B3GALT4: variants seen among roughly 807,000 people sequenced by gnomAD.
The protein encoded by B3GALT4 is beta-1,3-galactosyltransferase 4.
A neutral mutation model predicts 1.6 loss-of-function variants in B3GALT4; 1 was observed. That is an observed-to-expected ratio of 0.64 (90% CI 0.23 to 3.05). The LOEUF is 3.05. Ranked by LOEUF, B3GALT4 falls within the 30% of genes most tolerant of loss-of-function variation. B3GALT4 has a pLI of 0.21. For missense variants in B3GALT4, 441 were observed against 486.9 expected (o/e 0.91, Z 0.89); for synonymous variants, 259 against 222.6 (o/e 1.16, Z -1.46).
rs1562604817 is a variant in B3GALT4 at position 33,277,947 on chromosome 6, T to C, written c.528T>C (p.Asp176=). The C allele has an allele frequency of 1.2e-6, 2 of 1,613,898 alleles. No homozygotes were observed. The highest frequency in any genetic ancestry group is 8.5e-7 in the Non-Finnish European group (1 of 1,180,018). The change falls in exon 1 of 1, where the codon GAT becomes GAC. Residue 176 remains aspartate (D), a synonymous_variant. Transcript: ENST00000451237. The surrounding 1 kb of genome is among the most constrained non-coding windows in gnomAD (Gnocchi z 5.3). ...PMARYVLKTD[D]DVYVNVPELV... ...CCCGATACGTCCTCAAGACGGACGA[T>C]GATGTGTATGTCAACGTCCCTGAAC... is the stretch of plus-strand genomic sequence containing the variant.
In B3GALT4 at chr6:33,277,511, A is replaced by C; in HGVS notation, c.92A>C (p.Glu31Ala). ...TLFGPSGLGE[E>A]LLSLSLASLL... ...TTCGGGCCTTCGGGGTTGGGGGAGGAGCTGCTGAGCCTCTCACTAGCCTCC... is the reference window on the plus strand; with the variant it reads ...TTCGGGCCTTCGGGGTTGGGGGAGGCGCTGCTGAGCCTCTCACTAGCCTCC... Residue 31 changes from glutamate (E) to alanine (A), a missense_variant, in exon 1 of 1, where the codon GAG (glutamate) becomes GCG (alanine). Transcript: ENST00000451237. This position sits in a 1 kb window ranked among gnomAD's most constrained non-coding sequence, Gnocchi z 5.3. The C allele has an allele frequency of 6.2e-7, 1 of 1,612,288 alleles. No homozygotes were observed. Among genetic ancestry groups the C allele is most frequent in the Non-Finnish European group, 8.5e-7 (1 of 1,179,850 alleles).
chr6:33,277,186 C>G lies in B3GALT4; in HGVS notation c.-234C>G. ...GTGCCGCAGTCGGCCAGCCATGGAG[C>G]GGAGCTTGCTGGCGGCGAGGCCGCG... On this transcript the variant is annotated 5_prime_UTR_variant, in exon 1 of 1. Coordinates refer to ENST00000451237, the MANE Select transcript of B3GALT4 (RefSeq NM_003782.4). This position sits in a 1 kb window ranked among gnomAD's most constrained non-coding sequence, Gnocchi z 5.3. 1 of 592,266 alleles carries G rather than the reference C, an allele frequency of 1.7e-6. No individual in the cohort carries two copies. Among genetic ancestry groups the G allele is most frequent in the Non-Finnish European group, 2.7e-6 (1 of 371,226 alleles). The allele number at this position is 592,266 out of a possible 1,614,324, so 36.7% of individuals were successfully genotyped here.
At position 33,278,644 on chromosome 6, in the gene B3GALT4, G is replaced by T; in HGVS notation, c.*88G>T. On this transcript the variant is annotated 3_prime_UTR_variant, in exon 1 of 1. Coordinates refer to ENST00000451237, the MANE Select transcript of B3GALT4 (RefSeq NM_003782.4). The surrounding 1 kb of genome is among the most constrained non-coding windows in gnomAD (Gnocchi z 5.2). Reference sequence around the variant, plus strand: ...GGCCCTCACTGGCTGCAGCTGATCTGTTTCCTTATACCAGATCCTCAGTCT... The same window carrying T: ...GGCCCTCACTGGCTGCAGCTGATCTTTTTCCTTATACCAGATCCTCAGTCT... 6.7e-7 allele frequency: 1 copy of T among 1,486,166 alleles called. No individual in the cohort carries two copies. Among genetic ancestry groups the T allele is most frequent in the Non-Finnish European group, 9.0e-7 (1 of 1,117,232 alleles). The allele number at this position is 1,486,166 out of a possible 1,614,324, so 92.1% of individuals were successfully genotyped here.
Position 33,278,277 on chromosome 6 carries a change from T to A in B3GALT4, c.858T>A (p.Leu286=). 1 of 1,613,786 alleles carries A rather than the reference T, an allele frequency of 6.2e-7. No homozygotes were observed. Among genetic ancestry groups the A allele is most frequent in the Non-Finnish European group, 8.5e-7 (1 of 1,180,004 alleles). Residue 286 remains leucine (L), a synonymous_variant, in exon 1 of 1, where the codon CTT becomes CTA. Coordinates refer to ENST00000451237, the MANE Select transcript of B3GALT4 (RefSeq NM_003782.4). The surrounding 1 kb of genome is among the most constrained non-coding windows in gnomAD (Gnocchi z 5.2). The stretch of plus-strand genomic sequence containing the variant: ...TCAAGGTGGCCAGCCGGGCACCCCT[T>A]CTCCCATTAGAGGATGTCTTTGTGG... ...LILKVASRAP[L]LPLEDVFVGV...
rs1562601606 is a variant in B3GALT4 at position 33,277,145 on chromosome 6, G to T, written c.-275G>T. 2.5e-6 allele frequency: 1 copy of T among 400,686 alleles called. No homozygotes were observed. The highest frequency in any genetic ancestry group is 4.3e-6 in the Non-Finnish European group (1 of 232,156). The allele number at this position is 400,686 out of a possible 1,614,324, so 24.8% of individuals were successfully genotyped here. ...GGCAGACCGGCCGCCGGGGCGAGGC[G>T]GGGGAGGGGCCGTGAGTGCCGCAGT... On this transcript the variant is annotated 5_prime_UTR_variant, in exon 1 of 1. Coordinates refer to ENST00000451237, the MANE Select transcript of B3GALT4 (RefSeq NM_003782.4). This position sits in a 1 kb window ranked among gnomAD's most constrained non-coding sequence, Gnocchi z 5.3.
chr6:33,278,445 C>A lies in B3GALT4; in HGVS notation c.1026C>A (p.Ala342=). The A allele has an allele frequency of 6.2e-7, 1 of 1,611,744 alleles. No homozygotes were observed. The highest frequency in any genetic ancestry group is 2.2e-5 in the East Asian group (1 of 44,876). Residue 342 remains alanine, a synonymous_variant, in exon 1 of 1, where the codon GCC becomes GCA. Coordinates refer to ENST00000451237, the MANE Select transcript of B3GALT4 (RefSeq NM_003782.4). This position sits in a 1 kb window ranked among gnomAD's most constrained non-coding sequence, Gnocchi z 5.2. ...TGGACCCCTGGAAGATGCAGGAAGC[C>A]TGGAAGCTGGTGGGTGGCTCTGACG... ...HRLDPWKMQE[A]WKLVGGSDGE...
rs1424943960 is a variant in B3GALT4 at position 33,278,047 on chromosome 6, G to A, written c.628G>A (p.Glu210Lys). The stretch of plus-strand genomic sequence containing the variant: ...AAGCACGGAACCCCAGAGAGAGGCT[G>A]AGCAGGAAGGAGGCCAGGTTTTGCA... ...ERSTEPQREA[E>K]QEGGQVLHSE... Residue 210 changes from glutamate (E) to lysine (K), a missense_variant, in exon 1 of 1, where the codon GAG becomes AAG. Glu to Lys is a moderately conservative substitution (Grantham distance 56, BLOSUM62 1). Coordinates refer to ENST00000451237, the MANE Select transcript of B3GALT4 (RefSeq NM_003782.4). The surrounding 1 kb of genome is among the most constrained non-coding windows in gnomAD (Gnocchi z 5.2). 1 of 1,614,028 alleles carries A rather than the reference G, an allele frequency of 6.2e-7. No homozygotes were observed. Among genetic ancestry groups the A allele is most frequent in the African/African-American group, 1.3e-5 (1 of 75,054 alleles).
At position 33,277,457 on chromosome 6, in the gene B3GALT4, C is replaced by T. The variant is rs770040287; in HGVS notation, c.38C>T (p.Ala13Val). ...CTCTTCCGGCGCCTCCTTCTCGCCG[C>T]TTTGCTGCTGGTGATCGTCTGGACC... ...LRLFRRLLLA[A>V]LLLVIVWTLF... is the part of the protein sequence containing the mutation. The change falls in exon 1 of 1, where the codon GCT becomes GTT. Residue 13 changes from alanine (A) to valine (V), a missense_variant. Physicochemically the swap from Ala to Val is moderately conservative, Grantham distance 64. Transcript: ENST00000451237. The surrounding 1 kb of genome is among the most constrained non-coding windows in gnomAD (Gnocchi z 5.3). 4 of 1,612,602 alleles carry T rather than the reference C, an allele frequency of 2.5e-6. No homozygotes were observed. Among genetic ancestry groups the T allele is most frequent in the Non-Finnish European group, 3.4e-6 (4 of 1,179,978 alleles).
Position 33,278,215 on chromosome 6 carries a change from G to C in B3GALT4, c.796G>C (p.Gly266Arg). 6.2e-7 allele frequency: 1 copy of C among 1,612,264 alleles called. No homozygotes were observed. The highest frequency in any genetic ancestry group is 8.5e-7 in the Non-Finnish European group (1 of 1,180,014). ...CTTTCCACCCTATGCCTCAGGCACG[G>C]GGTATGTGCTGTCAGCGTCTGCTGT... is the stretch of plus-strand genomic sequence containing the variant. ...GPFPPYASGT[G>R]YVLSASAVQL... Residue 266 changes from glycine (G) to arginine (R), a missense_variant, in exon 1 of 1, where the codon GGG (glycine) becomes CGG (arginine). Coordinates refer to ENST00000451237, the MANE Select transcript of B3GALT4 (RefSeq NM_003782.4). This position sits in a 1 kb window ranked among gnomAD's most constrained non-coding sequence, Gnocchi z 5.2.
rs922016360 is a variant in B3GALT4 at position 33,277,131 on chromosome 6, C to T, written c.-289C>T. 2.7e-6 allele frequency: 1 copy of T among 377,054 alleles called. No individual in the cohort carries two copies. Among genetic ancestry groups the T allele is most frequent in the Admixed American group, 4.8e-5 (1 of 20,882 alleles). 23.4% of individuals were successfully genotyped at this position (377,054 alleles called of 1,614,324 possible). A position where few individuals can be genotyped will look rare whatever the true frequency, so the allele number is the denominator to read the frequency against. ...ACGCGGAAGCGGGCGGCAGACCGGC[C>T]GCCGGGGCGAGGCGGGGGAGGGGCC... On this transcript the variant is annotated 5_prime_UTR_variant, in exon 1 of 1. Coordinates refer to ENST00000451237, the MANE Select transcript of B3GALT4 (RefSeq NM_003782.4). The surrounding 1 kb of genome is among the most constrained non-coding windows in gnomAD (Gnocchi z 5.3).
In B3GALT4 at chr6:33,277,283, A is replaced by G; in HGVS notation, c.-137A>G. The G allele has an allele frequency of 1.4e-6, 2 of 1,449,384 alleles. No individual in the cohort carries two copies. Among genetic ancestry groups the G allele is most frequent in the Non-Finnish European group, 1.8e-6 (2 of 1,101,552 alleles). The allele number at this position is 1,449,384 out of a possible 1,614,324, so 89.8% of individuals were successfully genotyped here. On this transcript the variant is annotated 5_prime_UTR_variant, in exon 1 of 1. Transcript: ENST00000451237. This position sits in a 1 kb window ranked among gnomAD's most constrained non-coding sequence, Gnocchi z 5.3. ...GCTGCACCGCCTCTCCCCGCCCCCC[A>G]GGGTGCGCTGGTCCCGGTCGCGCGC...
At position 33,277,623 on chromosome 6, in the gene B3GALT4, G is replaced by A. The variant is rs770478999; in HGVS notation, c.204G>A (p.Gly68=). 7 of 1,613,250 alleles carry A rather than the reference G, an allele frequency of 4.3e-6. No individual in the cohort carries two copies. In the Admixed American group the frequency reaches 1.2e-4, roughly 27 times the overall value. ...IPNQEACSGP[G]APPFLLILVC... is the part of the protein sequence containing the mutation. ...ACCAGGAAGCTTGCAGTGGTCCCGG[G>A]GCCCCTCCCTTCCTGCTCATCCTGG... is the stretch of plus-strand genomic sequence containing the variant. The change falls in exon 1 of 1, where the codon GGG becomes GGA. Residue 68 remains glycine, a synonymous_variant. Coordinates refer to ENST00000451237, the MANE Select transcript of B3GALT4 (RefSeq NM_003782.4). This position sits in a 1 kb window ranked among gnomAD's most constrained non-coding sequence, Gnocchi z 5.3.
chr6:33,277,967 C>T lies in B3GALT4; in HGVS notation c.548C>T (p.Pro183Leu), dbSNP rs764380808. 8 of 1,614,182 alleles carry T rather than the reference C, an allele frequency of 5.0e-6. No homozygotes were observed. In the South Asian group the frequency reaches 5.5e-5, roughly 11 times the overall value. ...KTDDDVYVNV[P>L]ELVSELVLRG... ...GACGATGATGTGTATGTCAACGTCCCTGAACTGGTATCAGAGCTGGTCTTG... is the reference window on the plus strand; with the variant it reads ...GACGATGATGTGTATGTCAACGTCCTTGAACTGGTATCAGAGCTGGTCTTG... The change falls in exon 1 of 1, where the codon CCT (proline) becomes CTT (leucine). Residue 183 changes from proline (P) to leucine (L), a missense_variant. Coordinates refer to ENST00000451237, the MANE Select transcript of B3GALT4 (RefSeq NM_003782.4). This position sits in a 1 kb window ranked among gnomAD's most constrained non-coding sequence, Gnocchi z 5.3.
rs1181320590 is a variant in B3GALT4 at position 33,278,264 on chromosome 6, G to C, written c.845G>C (p.Ser282Thr). ...GTGCAGCTCATTCTCAAGGTGGCCA[G>C]CCGGGCACCCCTTCTCCCATTAGAG... ...SAVQLILKVA[S>T]RAPLLPLEDV... Residue 282 changes from serine to threonine, a missense_variant, in exon 1 of 1, where the codon AGC becomes ACC. Physicochemically the swap from Ser to Thr is moderately conservative, Grantham distance 58. Coordinates refer to ENST00000451237, the MANE Select transcript of B3GALT4 (RefSeq NM_003782.4). This position sits in a 1 kb window ranked among gnomAD's most constrained non-coding sequence, Gnocchi z 5.2. 2 of 1,613,428 alleles carry C rather than the reference G, an allele frequency of 1.2e-6. No individual in the cohort carries two copies. The highest frequency in any genetic ancestry group is 2.7e-5 in the African/African-American group (2 of 74,932).
chr6:33,277,368 G>A lies in B3GALT4; in HGVS notation c.-52G>A. The stretch of plus-strand genomic sequence containing the variant: ...TCCCCGGCCGTGACCCAGGCCCGGG[G>A]AGCTAGTCTCCGCCCTTCGCTCTTA... On this transcript the variant is annotated 5_prime_UTR_variant, in exon 1 of 1. Transcript: ENST00000451237. This position sits in a 1 kb window ranked among gnomAD's most constrained non-coding sequence, Gnocchi z 5.3. 1 of 1,578,476 alleles carries A rather than the reference G, an allele frequency of 6.3e-7. No homozygotes were observed. Among genetic ancestry groups the A allele is most frequent in the Non-Finnish European group, 8.6e-7 (1 of 1,166,858 alleles).
rs1765759339 is a variant in B3GALT4, at chr6:33,277,731, G to A, written c.312G>A (p.Arg104=). ...GGCTGCGCGAGGCCCGGGGGCTCAG[G>A]GTACAGACGCTATTCTTGCTGGGAG... ...WGGLREARGL[R]VQTLFLLGEP... Residue 104 remains arginine (R), a synonymous_variant, in exon 1 of 1, where the codon AGG becomes AGA. Transcript: ENST00000451237. The surrounding 1 kb of genome is among the most constrained non-coding windows in gnomAD (Gnocchi z 5.3). 1 of 1,613,822 alleles carries A rather than the reference G, an allele frequency of 6.2e-7. No individual in the cohort carries two copies. Among genetic ancestry groups the A allele is most frequent in the East Asian group, 2.2e-5 (1 of 44,880 alleles).
In B3GALT4 at chr6:33,277,720, C is replaced by CG; in HGVS notation, c.306dup (p.Leu103AlafsTer25). On this transcript the variant is annotated frameshift_variant, in exon 1 of 1. Coordinates refer to ENST00000451237, the MANE Select transcript of B3GALT4 (RefSeq NM_003782.4). LOFTEE classifies it low-confidence loss of function (END_TRUNC). This position sits in a 1 kb window ranked among gnomAD's most constrained non-coding sequence, Gnocchi z 5.3. The stretch of plus-strand genomic sequence containing the variant: ...TTCGTGGGGCGGGCTGCGCGAGGCC[C>CG]GGGGGCTCAGGGTACAGACGCTATT... 1 of 1,613,802 alleles carries CG rather than the reference C, an allele frequency of 6.2e-7. No individual in the cohort carries two copies.
Position 33,277,225 on chromosome 6 carries a change from C to T in B3GALT4, c.-195C>T, listed in dbSNP as rs1765702845. 3.3e-6 allele frequency: 3 copies of T among 916,534 alleles called. No homozygotes were observed. The highest frequency in any genetic ancestry group is 2.1e-5 in the South Asian group (1 of 48,492). The allele number at this position is 916,534 out of a possible 1,614,324, so 56.8% of individuals were successfully genotyped here. On this transcript the variant is annotated 5_prime_UTR_variant, in exon 1 of 1. Coordinates refer to ENST00000451237, the MANE Select transcript of B3GALT4 (RefSeq NM_003782.4). This position sits in a 1 kb window ranked among gnomAD's most constrained non-coding sequence, Gnocchi z 5.3. ...GGCGAGGCCGCGGCGACAAGGTAGC[C>T]ACCCCCGCAGCATGCCTCGACCGCG...
chr6:33,277,518 G>A lies in B3GALT4; in HGVS notation c.99G>A (p.Leu33=), dbSNP rs1301168452. The change falls in exon 1 of 1, where the codon CTG becomes CTA. Residue 33 remains leucine (L), a synonymous_variant. Coordinates refer to ENST00000451237, the MANE Select transcript of B3GALT4 (RefSeq NM_003782.4). The surrounding 1 kb of genome is among the most constrained non-coding windows in gnomAD (Gnocchi z 5.3). ...CTTCGGGGTTGGGGGAGGAGCTGCT[G>A]AGCCTCTCACTAGCCTCCCTGCTCC... ...FGPSGLGEEL[L]SLSLASLLPA... 6.2e-7 allele frequency: 1 copy of A among 1,612,572 alleles called. No homozygotes were observed. Among genetic ancestry groups the A allele is most frequent in the African/African-American group, 1.3e-5 (1 of 74,924 alleles).
Sources: allele counts gnomAD v4.1 joint callset, GRCh38; gene constraint gnomAD v4.1.1; non-coding constraint Gnocchi (gnomAD v3.1); transcripts MANE v1.5; gene names NCBI Gene and HGNC (gene_info 2026-07-23, HGNC 2026-07-21).